Variants in NTRK2 observed in about 807,000 individuals in gnomAD.
NTRK2 encodes the protein neurotrophic receptor tyrosine kinase 2, also known as BDNF/NT-3 growth factors receptor.
In NTRK2, 13 loss-of-function variants were observed where a neutral mutation model predicts 94.5. That is an observed-to-expected ratio of 0.14 (90% CI 0.09 to 0.22). NTRK2 has a LOEUF of 0.22. Among genes scored for constraint, NTRK2 ranks in the 10% least tolerant of loss-of-function variants. The probability of loss-of-function intolerance (pLI) is 1.00; values close to 1 mark genes in which losing one functional copy is unlikely to be tolerated. For synonymous variants in NTRK2, 372 were observed against 407.4 expected, an observed-to-expected ratio of 0.91 and a Z score of 1.05; for missense variants, 639 against 1,071.2, an observed-to-expected ratio of 0.60 and a Z score of 5.63.
intron 17 of NTRK2, among the ~76,000 whole-genome samples, chr9:84,984,653 C>G (rs1033120836): frequency 6.6e-6 from 1 of 152,186 alleles, no homozygotes; most frequent in Non-Finnish European, 1.5e-5. Flanking sequence ...AGAACCACCA[C>G]TATATGATAC....
chr9:84,894,308 C>T (rs1022659155), intron 14 of NTRK2, among the ~76,000 whole-genome samples: 4 of 152,130 alleles, frequency 2.6e-5, no homozygotes, highest in Non-Finnish European at 5.9e-5. Flanking sequence ...CGACACAGTT[C>T]GTATAAGCAG....
At chr9:84,873,026 A>C in intron 14 of NTRK2, 1 of 1,063,350 alleles carries the variant, frequency 9.4e-7, no homozygotes. Context: ...AAAAATTCTG[A>C]ATTACATCCA....
At chr9:84,874,514 G>A in intron 14 of NTRK2, 1 of 1,065,680 alleles carries the variant, frequency 9.4e-7, no homozygotes, top group Non-Finnish European at 1.1e-6. Flanking sequence ...GAGGTTGATT[G>A]CTGAGGTTGT....
chr9:84,819,872 G>A (rs540861727), intron 12 of NTRK2, among the ~76,000 whole-genome samples: 13 of 152,212 alleles, frequency 8.5e-5, no homozygotes, highest in African/African-American at 1.7e-4. Context: ...TACCCCGCCC[G>A]CATCTCTCTG....
intron 12 of NTRK2, among the ~76,000 whole-genome samples, chr9:84,783,372 T>G (rs1046591382): frequency 6.6e-6 from 1 of 152,246 alleles, no homozygotes; most frequent in African/African-American, 2.4e-5. Flanking sequence ...CGTTCTTTAC[T>G]TGACTTGGCT....
intron 12 of NTRK2, among the ~76,000 whole-genome samples, chr9:84,826,059 C>T (rs1293831814): frequency 6.6e-6 from 1 of 152,176 alleles, no homozygotes. Context: ...CACCCCCCAC[C>T]CGCCATGGAC....
At chr9:84,812,245 A>G in intron 12 of NTRK2, 1 of 1,056,584 alleles carries the variant, frequency 9.5e-7, no homozygotes, top group Non-Finnish European at 1.1e-6. Context: ...TGAATATTTT[A>G]TACTGCATCC....
chr9:84,707,780 T>A (rs1392242009), intron 4 of NTRK2, 64 bp from the exon 5 acceptor site: 27 of 1,228,198 alleles, frequency 2.2e-5, no homozygotes, highest in Non-Finnish European at 3.0e-5. Flanking sequence ...AATCTCTATT[T>A]GAATACTGTG....
intron 12 of NTRK2, chr9:84,810,899 C>T: frequency 8.2e-7 from 1 of 1,222,302 alleles, no homozygotes; most frequent in Non-Finnish European, 1.0e-6. Flanking sequence ...GATTGTACTT[C>T]TCTTCTGAAA....
At chr9:84,872,022 C>G (rs944431588) in intron 14 of NTRK2, 1 of 1,472,412 alleles carries the variant, frequency 6.8e-7, no homozygotes, top group Non-Finnish European at 9.0e-7. Context: ...ACTAACCCCT[C>G]AAAGTACTAT....
intron 2 of NTRK2, among the ~76,000 whole-genome samples, chr9:84,679,658 ACT>A (rs1279972602): frequency 1.3e-5 from 2 of 151,736 alleles, no homozygotes; most frequent in Non-Finnish European, 2.9e-5. Flanking sequence ...TCCTTGAAAG[ACT>A]CTGTGGTTCT....
intron 12 of NTRK2, among the ~76,000 whole-genome samples, chr9:84,775,462 T>C (rs1477106712): frequency 1.3e-5 from 2 of 152,202 alleles, no homozygotes; most frequent in African/African-American, 4.8e-5. Flanking sequence ...ACCATAAAGA[T>C]TGTAATTTGC....
intron 12 of NTRK2, chr9:84,811,075 A>G: frequency 9.3e-7 from 1 of 1,072,656 alleles, no homozygotes; most frequent in Non-Finnish European, 1.1e-6. Flanking sequence ...TCTATACTCT[A>G]ATCAGCACTG....
rs116124316 is a variant in NTRK2 at position 84,794,744 on chromosome 9, C to T, written c.1396+42659C>T. ...GGGGAAATTCTTGCATATAAAGGGACTTTGGGAGTCTAGGACAGAGGTTGA... is the reference window on the plus strand; with the variant it reads ...GGGGAAATTCTTGCATATAAAGGGATTTTGGGAGTCTAGGACAGAGGTTGA... On this transcript the variant is annotated intron_variant, in intron 12 of 18. Transcript: ENST00000277120. Among the ~76,000 whole-genome samples, 7 of 152,214 alleles carry T rather than the reference C, an allele frequency of 4.6e-5. No individual in the cohort carries two copies. The South Asian group carries it at 1.2e-3, about 27-fold the overall frequency.
chr9:84,788,028 T>C lies in NTRK2; in HGVS notation c.1396+35943T>C, dbSNP rs2068300312. The stretch of plus-strand genomic sequence containing the variant: ...ATTATGAGGATTAAATGAATTAATA[T>C]ATGATAAGCACTTAGAAGAAAGCTA... On this transcript the variant is annotated intron_variant, in intron 12 of 18. Coordinates refer to ENST00000277120, the MANE Select transcript of NTRK2 (RefSeq NM_006180.6). Among the ~76,000 whole-genome samples the C allele has an allele frequency of 3.3e-5, 5 of 152,326 alleles. No homozygotes were observed. The South Asian group carries it at 1.0e-3, about 32-fold the overall frequency.
chr9:84,813,238 G>A, intron 12 of NTRK2: 2 of 1,050,954 alleles, frequency 1.9e-6, no homozygotes, highest in Non-Finnish European at 2.3e-6. Flanking sequence ...CCCTTCCAGA[G>A]GGGCCACTGT....
intron 2 of NTRK2, among the ~76,000 whole-genome samples, chr9:84,690,452 T>C (rs561587387): frequency 4.1e-4 from 62 of 152,304 alleles, no homozygotes; most frequent in Middle Eastern, 3.4e-3. Flanking sequence ...AGGCGAATCA[T>C]TGGAGATTCT....
chr9:85,001,886 G>C (rs1405625516), intron 17 of NTRK2, among the ~76,000 whole-genome samples: 1 of 152,182 alleles, frequency 6.6e-6, no homozygotes, highest in Non-Finnish European at 1.5e-5. Context: ...CAGAATTTCT[G>C]AATAGGGCAG....
intron 12 of NTRK2, among the ~76,000 whole-genome samples, chr9:84,859,354 G>C (rs2075222400): frequency 1.3e-5 from 2 of 152,314 alleles, no homozygotes; most frequent in East Asian, 3.9e-4. Flanking sequence ...CTCAAATACT[G>C]TTGGTGAAAG....
Sources: gnomAD v4.1 joint callset for allele counts (sites outside exome capture counted in the v4.1 genomes callset) on GRCh38, gnomAD v4.1.1 for gene constraint, MANE v1.5 for transcripts, NCBI Gene and HGNC (gene_info 2026-07-23, HGNC 2026-07-21) for gene names.